ZNF358: variants seen among roughly 807,000 people sequenced by gnomAD.
ZNF358 encodes zinc finger protein 358.
ZNF358 carries 1 observed loss-of-function variant against 2.1 expected under a neutral mutation model. The ratio of observed to expected loss-of-function variants is 0.49; its 90% CI spans 0.17 to 2.30. The LOEUF (loss-of-function observed/expected upper bound fraction) is 2.30. Ranked by LOEUF, ZNF358 falls within the 30% of genes most tolerant of loss-of-function variation. ZNF358 has a pLI of 0.26. For missense variants in ZNF358, 665 were observed against 806.8 expected (o/e 0.82, Z 2.13); for synonymous variants, 381 against 359.7 (o/e 1.06, Z -0.67).
Position 7,520,451 on chromosome 19 carries a change from TGCAGCTGCCGCGGCCGCTGCAGCTGCA to T in ZNF358, c.1215_1241del (p.Ala408_Ala416del), listed in dbSNP as rs552712605. On this transcript the variant is annotated inframe_deletion, in exon 2 of 2. Transcript: ENST00000597229. This position sits in a 1 kb window ranked among gnomAD's most constrained non-coding sequence, Gnocchi z 6.0. ...GGGTGCATGAGGGTGCAGCCGCTGCTGCAGCTGCCGCGGCCGCTGCAGCTGCAGCAGCGGCCGCCGGCCTGGGCCTCG... is the reference window on the plus strand; with the variant it reads ...GGGTGCATGAGGGTGCAGCCGCTGCTGCAGCGGCCGCCGGCCTGGGCCTCG... The T allele has an allele frequency of 6.8e-3, 9,045 of 1,326,534 alleles. 151 individuals carry two copies. Among genetic ancestry groups the T allele is most frequent in the Non-Finnish European group, 7.9e-3 (7,795 of 991,346 alleles). The allele number at this position is 1,326,534 out of a possible 1,614,324, so 82.2% of individuals were successfully genotyped here. A position where few individuals can be genotyped will look rare whatever the true frequency, so the allele number is the denominator to read the frequency against.
chr19:7,517,070 T>TC (rs916994820), intron 1 of ZNF358, among the ~76,000 whole-genome samples: 7 of 151,892 alleles, frequency 4.6e-5, no homozygotes, highest in African/African-American at 1.5e-4. Flanking sequence ...GAGCCACAGG[T>TC]CCCCCCACAG....
rs540877522 is a variant in ZNF358, at chr19:7,520,657, C to G, written c.1415C>G (p.Pro472Arg). 30 of 1,597,520 alleles carry G rather than the reference C, an allele frequency of 1.9e-5. No individual in the cohort carries two copies. The highest frequency in any genetic ancestry group is 2.4e-5 in the Non-Finnish European group (28 of 1,170,528). ...PDPGSGPGTL[P>R]DPSSKPLPGS... ...CCTGGCTCTGGGCCGGGCACTCTGC[C>G]GGATCCCAGCTCCAAACCCCTCCCC... The change falls in exon 2 of 2, where the codon CCG (proline) becomes CGG (arginine). Residue 472 changes from proline (P) to arginine (R), a missense_variant. By Grantham distance (103) the Pro-to-Arg change is moderately radical (BLOSUM62 -2). This residue lies in a region of ZNF358 where 249 missense variants were observed against 227.6 expected (regional missense o/e 1.09). Transcript: ENST00000597229. This position sits in a 1 kb window ranked among gnomAD's most constrained non-coding sequence, Gnocchi z 6.0.
In ZNF358 at chr19:7,516,873, C is replaced by T. The variant is rs978661524; in HGVS notation, c.-39+624C>T. 3.3e-5 allele frequency among the ~76,000 whole-genome samples: 5 copies of T among 152,118 alleles called. No individual in the cohort carries two copies. The highest frequency in any genetic ancestry group is 5.9e-5 in the Non-Finnish European group (4 of 67,998). On this transcript the variant is annotated intron_variant, in intron 1 of 1. Transcript: ENST00000597229. The surrounding 1 kb of genome is among the most constrained non-coding windows in gnomAD (Gnocchi z 5.9). Reference sequence around the variant, plus strand: ...AGTTAAGAGATGGGAATTCAGGGGGCTCCTTCCCCTGGAGGCAATCTAAGG... The same window carrying T: ...AGTTAAGAGATGGGAATTCAGGGGGTTCCTTCCCCTGGAGGCAATCTAAGG...
Position 7,520,682 on chromosome 19 carries a change from C to T in ZNF358, c.1440C>T (p.Pro480=), listed in dbSNP as rs750095655. 2 of 1,612,746 alleles carry T rather than the reference C, an allele frequency of 1.2e-6. No homozygotes were observed. Among genetic ancestry groups the T allele is most frequent in the East Asian group, 2.2e-5 (1 of 44,814 alleles). Residue 480 remains proline (P), a synonymous_variant, in exon 2 of 2, where the codon CCC becomes CCT. Transcript: ENST00000597229. This position sits in a 1 kb window ranked among gnomAD's most constrained non-coding sequence, Gnocchi z 6.0. ...CGGATCCCAGCTCCAAACCCCTCCC[C>T]GGCTCCAGATCCACCCCCAGCCCTA... ...TLPDPSSKPL[P]GSRSTPSPTP... is the part of the protein sequence containing the mutation.
intron 1 of ZNF358, among the ~76,000 whole-genome samples, chr19:7,518,183 C>T (rs1221057489): frequency 6.6e-6 from 1 of 152,202 alleles, no homozygotes; most frequent in Non-Finnish European, 1.5e-5. Context: ...TGACCTCCGT[C>T]CAGGTTTGGG....
In ZNF358 at chr19:7,520,888, C is replaced by T. The variant is rs1398440662; in HGVS notation, c.1646C>T (p.Pro549Leu). 6.2e-6 allele frequency: 10 copies of T among 1,614,128 alleles called. No homozygotes were observed. In the South Asian group the frequency reaches 1.1e-4, roughly 18 times the overall value. Residue 549 changes from proline to leucine, a missense_variant, in exon 2 of 2, where the codon CCT (proline) becomes CTT (leucine). Coordinates refer to ENST00000597229, the MANE Select transcript of ZNF358 (RefSeq NM_018083.5). The surrounding 1 kb of genome is among the most constrained non-coding windows in gnomAD (Gnocchi z 6.0). The part of the protein sequence containing the change: ...PTRGTVSPAL[P>L]TGESPEWVQE... ...CGTGGCACTGTCAGCCCAGCCCTCC[C>T]TACCGGCGAGAGTCCAGAGTGGGTA...
In ZNF358 at chr19:7,516,770, G is replaced by T. The variant is rs2022348875; in HGVS notation, c.-39+521G>T. The stretch of plus-strand genomic sequence containing the variant: ...TGCAGTTCTGGAAGCTCCTTTCCCT[G>T]GAGGTGATCCAGGGGTCCACCTGCC... On this transcript the variant is annotated intron_variant, in intron 1 of 1. Coordinates refer to ENST00000597229, the MANE Select transcript of ZNF358 (RefSeq NM_018083.5). This position sits in a 1 kb window ranked among gnomAD's most constrained non-coding sequence, Gnocchi z 5.9. 6.6e-6 allele frequency among the ~76,000 whole-genome samples: 1 copy of T among 152,064 alleles called. No individual in the cohort carries two copies. Among genetic ancestry groups the T allele is most frequent in the Admixed American group, 6.5e-5 (1 of 15,280 alleles).
In ZNF358 at chr19:7,520,460, CGCGGCCGCTGCAGCTGCAGCA is replaced by C. The variant is rs762320175; in HGVS notation, c.1227_1247del (p.Ala410_Ala416del). On this transcript the variant is annotated inframe_deletion, in exon 2 of 2. Coordinates refer to ENST00000597229, the MANE Select transcript of ZNF358 (RefSeq NM_018083.5). The surrounding 1 kb of genome is among the most constrained non-coding windows in gnomAD (Gnocchi z 6.0). ...AGGGTGCAGCCGCTGCTGCAGCTGC[CGCGGCCGCTGCAGCTGCAGCA>C]GCGGCCGCCGGCCTGGGCCTCGGGC... 320 of 1,153,328 alleles carry C rather than the reference CGCGGCCGCTGCAGCTGCAGCA, an allele frequency of 2.8e-4. 24 individuals carry two copies. The South Asian group carries it at 3.4e-3, about 12-fold the overall frequency. 71.4% of individuals were successfully genotyped at this position (1,153,328 alleles called of 1,614,324 possible). A position where few individuals can be genotyped will look rare whatever the true frequency, so the allele number is the denominator to read the frequency against.
Position 7,520,733 on chromosome 19 carries a change from GGCTGGGCACGAC to G in ZNF358, c.1497_1508del (p.His500_Gly503del), listed in dbSNP as rs1371817289. 6.2e-7 allele frequency: 1 copy of G among 1,613,702 alleles called. No individual in the cohort carries two copies. The highest frequency in any genetic ancestry group is 1.3e-5 in the African/African-American group (1 of 74,814). On this transcript the variant is annotated inframe_deletion, in exon 2 of 2. Transcript: ENST00000597229. The surrounding 1 kb of genome is among the most constrained non-coding windows in gnomAD (Gnocchi z 6.0). ...CTCCTGTGGAATCTTCTGACCCAAAGGCTGGGCACGACGCTGGTCCCGACCTTGTGCCCAGCC... is the reference window on the plus strand; with the variant it reads ...CTCCTGTGGAATCTTCTGACCCAAAGGCTGGTCCCGACCTTGTGCCCAGCC...
At position 7,516,524 on chromosome 19, in the gene ZNF358, C is replaced by T. The variant is rs1013853850; in HGVS notation, c.-39+275C>T. ...GCCTTCAATCGGGCGGGGTGGGGGG[C>T]GCCCGCCAGCTCTGGGGTCTGGAGC... is the stretch of plus-strand genomic sequence containing the variant. On this transcript the variant is annotated intron_variant, in intron 1 of 1. Transcript: ENST00000597229. This position sits in a 1 kb window ranked among gnomAD's most constrained non-coding sequence, Gnocchi z 5.9. Among the ~76,000 whole-genome samples, 6 of 151,916 alleles carry T rather than the reference C, an allele frequency of 3.9e-5. No individual in the cohort carries two copies. The highest frequency in any genetic ancestry group is 1.2e-4 in the African/African-American group (5 of 41,382).
At chr19:7,518,661 G>A (rs995611605) in intron 1 of ZNF358, among the ~76,000 whole-genome samples, 2 of 152,120 alleles carry the variant, frequency 1.3e-5, no homozygotes, top group African/African-American at 4.8e-5. Flanking sequence ...AGGCCGAGGT[G>A]GGAGGATCGC....
At chr19:7,515,324 G>A (rs1033857351), upstream of ZNF358, 2 of 152,188 alleles carry the variant, frequency 1.3e-5, no homozygotes, top group East Asian at 1.9e-4. Flanking sequence ...AGCCCTTCCC[G>A]GCCCGGCGTA....
chr19:7,515,281 G>C (rs542461732), upstream of ZNF358: 7 of 152,282 alleles, frequency 4.6e-5, no homozygotes, highest in South Asian at 6.2e-4. Context: ...GGCTGGCAGC[G>C]GGGATCTGTG....
intron 1 of ZNF358, among the ~76,000 whole-genome samples, chr19:7,518,557 G>GAGAGAAAGAAAGAAAGAAGGAA (rs556101041): frequency 8.6e-6 from 1 of 116,066 alleles, no homozygotes; most frequent in African/African-American, 3.8e-5. Flanking sequence ...GAGAGAGAGA[G>GAGAGAAAGAAAGAAAGAAGGAA]AGAAAGAAAG....
rs764055410 is a variant in ZNF358 at position 7,520,977 on chromosome 19, G to A, written c.*28G>A. 1 of 1,604,416 alleles carries A rather than the reference G, an allele frequency of 6.2e-7. No individual in the cohort carries two copies. The highest frequency in any genetic ancestry group is 8.5e-7 in the Non-Finnish European group (1 of 1,174,346). On this transcript the variant is annotated 3_prime_UTR_variant, in exon 2 of 2. Coordinates refer to ENST00000597229, the MANE Select transcript of ZNF358 (RefSeq NM_018083.5). This position sits in a 1 kb window ranked among gnomAD's most constrained non-coding sequence, Gnocchi z 6.0. ...GAGACGCCGGCATCCTCGGGGGCCT[G>A]GGGAAGTTGTGTGTTGTGCAGTCAG... is the stretch of plus-strand genomic sequence containing the variant.
In ZNF358 at chr19:7,516,915, T is replaced by C. The variant is rs917026856; in HGVS notation, c.-39+666T>C. Among the ~76,000 whole-genome samples the C allele has an allele frequency of 3.9e-5, 6 of 152,138 alleles. 1 individual carries two copies. In the South Asian group the frequency reaches 8.3e-4, roughly 21 times the overall value. ...AATCTAAGGGTTCCTCTGCCCCTGA[T>C]GCAGGAGGGGTCCCAGGTCTTGTTT... On this transcript the variant is annotated intron_variant, in intron 1 of 1. Transcript: ENST00000597229. The surrounding 1 kb of genome is among the most constrained non-coding windows in gnomAD (Gnocchi z 5.9).
At chr19:7,517,939 C>T (rs1211533081) in intron 1 of ZNF358, among the ~76,000 whole-genome samples, 1 of 152,238 alleles carries the variant, frequency 6.6e-6, no homozygotes, top group African/African-American at 2.4e-5. Context: ...CCAGAACTCG[C>T]CCCCTAAATT....
intron 1 of ZNF358, among the ~76,000 whole-genome samples, chr19:7,518,952 C>T (rs181011490): frequency 5.3e-5 from 8 of 150,864 alleles, no homozygotes; most frequent in African/African-American, 2.0e-4. Context: ...GTAATCCCAG[C>T]TACTCAGGAG....
chr19:7,519,232 C>T lies in ZNF358; in HGVS notation c.-11C>T, dbSNP rs546985248. On this transcript the variant is annotated 5_prime_UTR_variant, in exon 2 of 2. Coordinates refer to ENST00000597229, the MANE Select transcript of ZNF358 (RefSeq NM_018083.5). Reference sequence around the variant, plus strand: ...CTTGCCCCAGAAGCTGCGGGCACATCCACGCCTGAAATGCGGCGCTCAGTC... The same window carrying T: ...CTTGCCCCAGAAGCTGCGGGCACATTCACGCCTGAAATGCGGCGCTCAGTC... 2 of 1,610,412 alleles carry T rather than the reference C, an allele frequency of 1.2e-6. No individual in the cohort carries two copies. The highest frequency in any genetic ancestry group is 2.2e-5 in the South Asian group (2 of 90,832).
Sources: allele counts gnomAD v4.1 joint callset (sites outside exome capture counted in the v4.1 genomes callset), GRCh38; gene constraint gnomAD v4.1.1; regional missense constraint gnomAD v4.1.1; non-coding constraint Gnocchi (gnomAD v3.1); transcripts MANE v1.5; gene names NCBI Gene and HGNC (gene_info 2026-07-23, HGNC 2026-07-21).